Variants in SLC39A12 observed in about 807,000 individuals in gnomAD.
SLC39A12 encodes zinc transporter ZIP12.
In SLC39A12, 63 loss-of-function variants were observed where a neutral mutation model predicts 71.1. The observed-to-expected ratio is 0.89, with a 90% CI of 0.72 to 1.09. The LOEUF is 1.09. Ranked by LOEUF, SLC39A12 falls within the 50% of genes least tolerant of loss-of-function variation. The probability of loss-of-function intolerance (pLI) is 0.00; values close to 1 mark genes in which losing one functional copy is unlikely to be tolerated. For synonymous variants in SLC39A12, 351 were observed against 301.3 expected (o/e 1.16, Z -1.71); for missense variants, 892 against 812.6 (o/e 1.10, Z -1.19).
intron 12 of SLC39A12, among the ~76,000 whole-genome samples, chr10:18,042,463 GAA>G (rs551298382): frequency 0.083 from 9,501 of 115,162 alleles, 394 homozygotes; most frequent in East Asian, 0.23. Context: ...TGCCTCAAAA[GAA>G]AAAAAAAAAA....
chr10:18,035,137 C>G (rs1431439254), intron 12 of SLC39A12, among the ~76,000 whole-genome samples: 1 of 147,368 alleles, frequency 6.8e-6, no homozygotes, highest in African/African-American at 2.6e-5. Context: ...TGGAGTTGCT[C>G]TTCTCGAGGA....
At chr10:17,953,959 T>G (rs1236521329) in intron 2 of SLC39A12, among the ~76,000 whole-genome samples, 1 of 152,214 alleles carries the variant, frequency 6.6e-6, no homozygotes, top group Non-Finnish European at 1.5e-5. Flanking sequence ...TACTTTTTCC[T>G]GGCATGGTAT....
chr10:18,004,583 C>G lies in SLC39A12; in HGVS notation c.1947+1225C>G, dbSNP rs74118078. Among the ~76,000 whole-genome samples, 262 of 152,242 alleles carry G rather than the reference C, an allele frequency of 1.7e-3. 1 individual carries two copies. Among genetic ancestry groups the G allele is most frequent in the African/African-American group, 6.2e-3 (256 of 41,530 alleles). On this transcript the variant is annotated intron_variant, in intron 12 of 12. Coordinates refer to ENST00000377369, the MANE Select transcript of SLC39A12 (RefSeq NM_001145195.2). ...GGCTCCTGAGTTTCCGGATGTTTTT[C>G]TTAATTCTTATGAGATGCATGCAGA...
intron 3 of SLC39A12, among the ~76,000 whole-genome samples, chr10:17,963,973 A>G (rs1269286251): frequency 1.3e-5 from 2 of 152,038 alleles, no homozygotes; most frequent in African/African-American, 2.4e-5. Flanking sequence ...TCCTGACTCA[A>G]TCTCTCAATG....
At chr10:18,039,129 G>A (rs974267678) in intron 12 of SLC39A12, among the ~76,000 whole-genome samples, 4 of 152,212 alleles carry the variant, frequency 2.6e-5, no homozygotes, top group Admixed American at 1.3e-4. Context: ...ACTAAGAACA[G>A]CCAGGTGGCA....
At chr10:18,042,595 T>C in intron 12 of SLC39A12, 110 bp from the exon 13 acceptor site, 1 of 1,098,594 alleles carries the variant, frequency 9.1e-7, no homozygotes, top group Non-Finnish European at 1.2e-6. Context: ...GTTTTGGGAA[T>C]TTTAAAGGTT....
intron 2 of SLC39A12, among the ~76,000 whole-genome samples, chr10:17,956,648 C>T (rs1217861637): frequency 1.3e-5 from 2 of 152,194 alleles, no homozygotes; most frequent in Non-Finnish European, 2.9e-5. Flanking sequence ...TCCCAGGCTC[C>T]CCTCCACTGT....
chr10:18,014,784 G>T (rs184493676), intron 12 of SLC39A12, among the ~76,000 whole-genome samples: 2 of 152,288 alleles, frequency 1.3e-5, no homozygotes, highest in Non-Finnish European at 2.9e-5. Context: ...TAAAGTTTGT[G>T]ATAGTGAATG....
intron 2 of SLC39A12, among the ~76,000 whole-genome samples, chr10:17,957,065 T>C (rs1052383573): frequency 1.3e-5 from 2 of 152,184 alleles, no homozygotes; most frequent in Admixed American, 1.3e-4. Flanking sequence ...AGAGACTGTC[T>C]TCTTTTAAGT....
chr10:17,983,017 C>T (rs1009307564), intron 6 of SLC39A12, among the ~76,000 whole-genome samples: 3 of 150,958 alleles, frequency 2.0e-5, no homozygotes, highest in South Asian at 2.1e-4. Flanking sequence ...AGTGAAACCC[C>T]GTCTCTACTA....
intron 12 of SLC39A12, among the ~76,000 whole-genome samples, chr10:18,029,586 C>A (rs1052265617): frequency 6.6e-6 from 1 of 152,188 alleles, no homozygotes; most frequent in African/African-American, 2.4e-5. Context: ...CAAGACACTT[C>A]TGCTAAAATG....
At chr10:17,967,481 T>G (rs1344561597) in intron 4 of SLC39A12, among the ~76,000 whole-genome samples, 1 of 152,236 alleles carries the variant, frequency 6.6e-6, no homozygotes, top group Non-Finnish European at 1.5e-5. Flanking sequence ...CTTCATCTTA[T>G]TGAGGTTCTT....
At chr10:17,983,168 C>CAAAA (rs59513976) in intron 6 of SLC39A12, among the ~76,000 whole-genome samples, 22 of 60,588 alleles carry the variant, frequency 3.6e-4, no homozygotes, top group African/African-American at 1.2e-3. Context: ...GACTCCATCT[C>CAAAA]AAAAAAAAAA....
intron 6 of SLC39A12, 85 bp downstream of exon 6, chr10:17,981,568 A>C: frequency 1.8e-6 from 2 of 1,113,316 alleles, no homozygotes; most frequent in Non-Finnish European, 2.5e-6. Context: ...ACTATATACC[A>C]GGCTCTGTTG....
intron 4 of SLC39A12, among the ~76,000 whole-genome samples, chr10:17,973,523 A>G (rs1338335038): frequency 4.6e-5 from 7 of 152,150 alleles, no homozygotes. Flanking sequence ...CTAGGGTAAC[A>G]GTTTTCTTCC....
At chr10:18,030,953 C>T (rs1234281947) in intron 12 of SLC39A12, among the ~76,000 whole-genome samples, 4 of 151,814 alleles carry the variant, frequency 2.6e-5, no homozygotes, top group Non-Finnish European at 5.9e-5. Context: ...CAATTTCATC[C>T]ACGTCCCTAC....
chr10:17,960,758 C>T (rs1357296786), intron 2 of SLC39A12, among the ~76,000 whole-genome samples: 2 of 152,244 alleles, frequency 1.3e-5, no homozygotes, highest in Admixed American at 1.3e-4. Context: ...GCACTTGATT[C>T]GTGGCTCATC....
Position 18,003,502 on chromosome 10 carries a change from C to A in SLC39A12, c.1947+144C>A, listed in dbSNP as rs1835896262. 5 of 713,868 alleles carry A rather than the reference C, an allele frequency of 7.0e-6. No individual in the cohort carries two copies. In the African/African-American group the frequency reaches 7.3e-5, roughly 10 times the overall value. 44.2% of individuals were successfully genotyped at this position (713,868 alleles called of 1,614,324 possible). A position where few individuals can be genotyped will look rare whatever the true frequency, so the allele number is the denominator to read the frequency against. ...AAACCATTAAGGAATATTCTTTGTA[C>A]TCCAAGAAAGTGCATTCTGGGCAGA... On this transcript the variant is annotated intron_variant, in intron 12 of 12. Coordinates refer to ENST00000377369, the MANE Select transcript of SLC39A12 (RefSeq NM_001145195.2).
At chr10:17,990,618 C>G (rs765397771) in intron 7 of SLC39A12, among the ~76,000 whole-genome samples, 1 of 151,952 alleles carries the variant, frequency 6.6e-6, no homozygotes, top group Non-Finnish European at 1.5e-5. Flanking sequence ...GTCCCAGAGA[C>G]CTGACAATAT....
Sources: gnomAD v4.1 joint callset for allele counts (sites outside exome capture counted in the v4.1 genomes callset) on GRCh38, gnomAD v4.1.1 for gene constraint, MANE v1.5 for transcripts, NCBI Gene and HGNC (gene_info 2026-07-23, HGNC 2026-07-21) for gene names.